Variants in FOXN3 observed in about 807,000 individuals in gnomAD.
The protein encoded by FOXN3 is forkhead box N3, also known as forkhead box protein N3.
FOXN3 carries 7 observed loss-of-function variants against 38.4 expected under a neutral mutation model. That is an observed-to-expected ratio of 0.18 (90% CI 0.10 to 0.34). The LOEUF is 0.34. FOXN3 is among the 10% of genes least tolerant of loss of function. FOXN3 has a pLI of 1.00. For missense variants in FOXN3, 456 were observed against 613.4 expected (o/e 0.74, Z 2.71); for synonymous variants, 230 against 242.2 (o/e 0.95, Z 0.47).
Position 89,189,573 on chromosome 14 carries a change from G to A in FOXN3, c.746-8767C>T, listed in dbSNP as rs184553303. On this transcript the variant is annotated intron_variant, in intron 4 of 5. Transcript: ENST00000557258. ...CTGTGTGTTCAACAGGGTTCTAGCT[G>A]GGTATGGGATGTGGGCACTGGTACT... Among the ~76,000 whole-genome samples the A allele has an allele frequency of 2.0e-5, 3 of 152,386 alleles. No individual in the cohort carries two copies. The East Asian group carries it at 5.8e-4, about 29-fold the overall frequency.
intron 1 of FOXN3, among the ~76,000 whole-genome samples, chr14:89,457,424 A>C (rs761160646): frequency 1.3e-5 from 2 of 152,180 alleles, no homozygotes; most frequent in Non-Finnish European, 2.9e-5. Flanking sequence ...GCAAGCATGG[A>C]ACCCGGAGCC....
At chr14:89,415,847 T>TACACACACACACACACACAC (rs5810462) in intron 1 of FOXN3, among the ~76,000 whole-genome samples, 4,111 of 140,266 alleles carry the variant, frequency 0.029, 98 homozygotes, top group Non-Finnish European at 0.032. Context: ...AACTTTTCTC[T>TACACACACACACACACACAC]ACACACACAC....
In FOXN3 at chr14:89,445,206, A is replaced by C. The variant is rs554368058; in HGVS notation, c.-14-32716T>G. Among the ~76,000 whole-genome samples the C allele has an allele frequency of 1.2e-4, 18 of 152,110 alleles. 1 individual carries two copies. The South Asian group carries it at 3.5e-3, about 30-fold the overall frequency. ...TTTGAATTCCAGCCTCTGCTACTCT[A>C]GTATCCTCGGGTATACCCGACTTCT... On this transcript the variant is annotated intron_variant, in intron 1 of 6. Transcript: ENST00000345097.
At chr14:89,536,168 CTG>C (rs1894681601) in intron 1 of FOXN3, among the ~76,000 whole-genome samples, 1 of 152,184 alleles carries the variant, frequency 6.6e-6, no homozygotes, top group Non-Finnish European at 1.5e-5. Context: ...CTTGCCAGCA[CTG>C]TGTGGTGGCT....
At chr14:89,215,526 G>C (rs1330958645) in intron 4 of FOXN3, among the ~76,000 whole-genome samples, 1 of 152,132 alleles carries the variant, frequency 6.6e-6, no homozygotes, top group East Asian at 1.9e-4. Context: ...TTATACCCCT[G>C]AGGCAAAATG....
chr14:89,317,083 T>C (rs1009986712), intron 3 of FOXN3, among the ~76,000 whole-genome samples: 7 of 152,236 alleles, frequency 4.6e-5, no homozygotes, highest in Admixed American at 1.3e-4. Flanking sequence ...AAGACTGCAA[T>C]TGGCTTCAAG....
intron 4 of FOXN3, among the ~76,000 whole-genome samples, chr14:89,248,771 A>G (rs1315167967): frequency 2.0e-5 from 3 of 152,268 alleles, no homozygotes; most frequent in African/African-American, 7.2e-5. Flanking sequence ...AAAAACTTCA[A>G]TTAAGTAAAT....
intron 1 of FOXN3, among the ~76,000 whole-genome samples, chr14:89,415,278 T>C (rs1220836966): frequency 6.6e-6 from 1 of 152,212 alleles, no homozygotes; most frequent in Non-Finnish European, 1.5e-5. Flanking sequence ...AATTGCACTG[T>C]TGCTATGACA....
intron 1 of FOXN3, among the ~76,000 whole-genome samples, chr14:89,447,214 A>G (rs2139705229): frequency 6.6e-6 from 1 of 152,016 alleles, no homozygotes; most frequent in East Asian, 1.9e-4. Context: ...AAAAAAAAAA[A>G]AAACGAATTC....
chr14:89,512,327 C>T (rs1417278990), intron 1 of FOXN3, among the ~76,000 whole-genome samples: 2 of 152,156 alleles, frequency 1.3e-5, no homozygotes, highest in Non-Finnish European at 2.9e-5. Flanking sequence ...CATTTTTACA[C>T]GGCATAGGGT....
intron 3 of FOXN3, among the ~76,000 whole-genome samples, chr14:89,298,262 T>C (rs1479428513): frequency 6.6e-6 from 1 of 152,098 alleles, no homozygotes; most frequent in East Asian, 1.9e-4. Context: ...AAAAGAATGG[T>C]GGTTGCCAGG....
chr14:89,374,010 A>C (rs1395315736), intron 2 of FOXN3, among the ~76,000 whole-genome samples: 3 of 152,134 alleles, frequency 2.0e-5, no homozygotes, highest in Non-Finnish European at 4.4e-5. Flanking sequence ...TCATGCCTGT[A>C]ATGCCAGCAT....
chr14:89,179,197 T>G (rs984414559), intron 5 of FOXN3, among the ~76,000 whole-genome samples: 1 of 152,200 alleles, frequency 6.6e-6, no homozygotes, highest in Non-Finnish European at 1.5e-5. Context: ...CCTTGTCAGA[T>G]TAGTAGAAAT....
intron 5 of FOXN3, among the ~76,000 whole-genome samples, chr14:89,178,947 C>A (rs1450570531): frequency 3.9e-5 from 6 of 152,210 alleles, no homozygotes; most frequent in African/African-American, 1.4e-4. Flanking sequence ...AAATAGTTCA[C>A]AGTCTCCAAG....
At chr14:89,300,068 C>T (rs1887169744) in intron 3 of FOXN3, among the ~76,000 whole-genome samples, 1 of 152,082 alleles carries the variant, frequency 6.6e-6, no homozygotes, top group South Asian at 2.1e-4. Flanking sequence ...ACACAATTCC[C>T]TCATTACTCC....
intron 3 of FOXN3, among the ~76,000 whole-genome samples, chr14:89,319,970 C>T (rs975840383): frequency 3.9e-5 from 6 of 152,174 alleles, no homozygotes; most frequent in African/African-American, 7.2e-5. Flanking sequence ...TCAAGGATGA[C>T]GCTTTGCATT....
intron 1 of FOXN3, among the ~76,000 whole-genome samples, chr14:89,514,208 G>A (rs1008616952): frequency 6.6e-6 from 1 of 152,142 alleles, no homozygotes; most frequent in African/African-American, 2.4e-5. Context: ...TAAGGGCTGG[G>A]GAACCAAGCC....
At chr14:89,561,133 G>T (rs368656913) in intron 1 of FOXN3, among the ~76,000 whole-genome samples, 1 of 152,218 alleles carries the variant, frequency 6.6e-6, no homozygotes, top group Non-Finnish European at 1.5e-5. Context: ...CATCGCCAAC[G>T]GGTGGCCTCC....
intron 3 of FOXN3, among the ~76,000 whole-genome samples, chr14:89,283,179 T>C (rs1886512508): frequency 6.6e-6 from 1 of 152,216 alleles, no homozygotes; most frequent in Non-Finnish European, 1.5e-5. Flanking sequence ...TTCCTCAAAA[T>C]GACATCTTCT....
Sources: gnomAD v4.1 joint callset for allele counts (sites outside exome capture counted in the v4.1 genomes callset) on GRCh38, gnomAD v4.1.1 for gene constraint, MANE v1.5 for transcripts, NCBI Gene and HGNC (gene_info 2026-07-23, HGNC 2026-07-21) for gene names.